The following NDC1 variants were observed in gnomAD, a reference collection of about 807,000 sequenced individuals.
NDC1 encodes the protein NDC1 transmembrane nucleoporin, also known as nucleoporin NDC1.
Under a neutral mutation model 89.8 loss-of-function variants are expected in NDC1, and 24 were observed. The ratio of observed to expected loss-of-function variants is 0.27; its 90% CI spans 0.19 to 0.38. The LOEUF (loss-of-function observed/expected upper bound fraction) is 0.38. Ranked by LOEUF, NDC1 falls within the 10% of genes least tolerant of loss-of-function variation. The pLI, the probability that NDC1 is intolerant of heterozygous loss-of-function variation, is 1.00. For synonymous variants in NDC1, 296 were observed against 284.8 expected (o/e 1.04, Z -0.39); for missense variants, 728 against 797.6 (o/e 0.91, Z 1.05).
chr1:53,819,087 GAAA>G lies in NDC1; in HGVS notation c.595-11_595-9del. 2.4e-6 allele frequency: 3 copies of G among 1,232,464 alleles called. No homozygotes were observed. The highest frequency in any genetic ancestry group is 4.4e-5 in the Admixed American group (2 of 45,220). The allele number at this position is 1,232,464 out of a possible 1,614,324, so 76.3% of individuals were successfully genotyped here. A position where few individuals can be genotyped will look rare whatever the true frequency, so the allele number is the denominator to read the frequency against. The stretch of plus-strand genomic sequence containing the variant: ...ACGCAAGAACTTGTATTGCTGTGGG[GAAA>G]AAAAAAAGAATCAAATGACACATTC... On this transcript the variant is annotated splice_polypyrimidine_tract_variant and intron_variant, in intron 5 of 17. Transcript: ENST00000371429.
At chr1:53,787,098 A>C in intron 16 of NDC1, 60 bp downstream of exon 16, 1 of 819,060 alleles carries the variant, frequency 1.2e-6, no homozygotes. Flanking sequence ...GGAAACAAAC[A>C]AAGCACTGGG....
intron 13 of NDC1, among the ~76,000 whole-genome samples, chr1:53,795,969 C>T (rs1176442524): frequency 6.6e-6 from 1 of 152,230 alleles, no homozygotes; most frequent in Non-Finnish European, 1.5e-5. Context: ...TCTCCCCTCA[C>T]TCACTCTGCT....
rs568974264 is a variant in NDC1, at chr1:53,780,675, C to G, written c.1800+6483G>C. 2.0e-5 allele frequency among the ~76,000 whole-genome samples: 3 copies of G among 152,008 alleles called. No individual in the cohort carries two copies. In the East Asian group the frequency reaches 5.8e-4, roughly 29 times the overall value. ...TTCATTAGGATGACATTGGCCTTTC[C>G]ACAGAAACCAAGGCTATCTAAAGAA... On this transcript the variant is annotated intron_variant, in intron 16 of 17. Transcript: ENST00000371429.
Position 53,800,735 on chromosome 1 carries a change from A to G in NDC1, c.1180T>C (p.Ser394Pro). The G allele has an allele frequency of 6.2e-7, 1 of 1,614,088 alleles. No homozygotes were observed. Among genetic ancestry groups the G allele is most frequent in the African/African-American group, 1.3e-5 (1 of 75,030 alleles). ...TTAGGTTCCACTGGGTAAGATGAAG[A>G]CACTCTCCCATTCGTAGCAGCAGCT... Reference protein sequence around the residue: ...QEAAATNGRVSSSYPVEPKKL... With the variant: ...QEAAATNGRVPSSYPVEPKKL... Residue 394 changes from serine (S) to proline (P), a missense_variant, in exon 11 of 18, where the codon TCT (serine) becomes CCT (proline). Transcript: ENST00000371429.
chr1:53,770,555 C>T (rs921560027), intron 17 of NDC1, among the ~76,000 whole-genome samples: 3 of 152,160 alleles, frequency 2.0e-5, no homozygotes, highest in Admixed American at 6.5e-5. Context: ...GATCCGCCCG[C>T]CTTGGCCTCC....
At chr1:53,799,998 G>A (rs1647850497) in intron 11 of NDC1, among the ~76,000 whole-genome samples, 1 of 152,128 alleles carries the variant, frequency 6.6e-6, no homozygotes, top group Non-Finnish European at 1.5e-5. Context: ...TTTTGTCTCT[G>A]GACTACTGCA....
intron 10 of NDC1, among the ~76,000 whole-genome samples, chr1:53,803,634 C>A (rs1313677034): frequency 1.3e-5 from 2 of 152,090 alleles, no homozygotes; most frequent in Non-Finnish European, 2.9e-5. Context: ...TGCAGTAGCG[C>A]AATCTCGGCT....
rs750539078 is a variant in NDC1 at position 53,804,018 on chromosome 1, G to A, written c.985-9C>T. The A allele has an allele frequency of 8.1e-6, 13 of 1,598,364 alleles. No homozygotes were observed. Among genetic ancestry groups the A allele is most frequent in the Middle Eastern group, 1.7e-4 (1 of 6,026 alleles). The stretch of plus-strand genomic sequence containing the variant: ...TCCTGCAAGGCTAAATACTAACAGG[G>A]GGAAAAAACACATATTATTTAATTT... On this transcript the variant is annotated splice_polypyrimidine_tract_variant and intron_variant, in intron 9 of 17. Transcript: ENST00000371429.
At chr1:53,815,543 A>T (rs1036110819) in intron 6 of NDC1, among the ~76,000 whole-genome samples, 1 of 152,250 alleles carries the variant, frequency 6.6e-6, no homozygotes, top group Non-Finnish European at 1.5e-5. Flanking sequence ...GAACTGGAAC[A>T]GACAAGAATG....
chr1:53,825,744 G>C, intron 5 of NDC1, 54 bp downstream of exon 5: 1 of 1,488,546 alleles, frequency 6.7e-7, no homozygotes, highest in Non-Finnish European at 9.0e-7. Flanking sequence ...TATGCACCAA[G>C]GCAATTTTAC....
chr1:53,785,683 C>T (rs1647285291), intron 16 of NDC1, among the ~76,000 whole-genome samples: 1 of 151,954 alleles, frequency 6.6e-6, no homozygotes, highest in Non-Finnish European at 1.5e-5. Context: ...AGCGGTTCTC[C>T]CCCGTCAGCC....
At chr1:53,809,670 A>T in intron 7 of NDC1, 25 bp downstream of exon 7, 1 of 1,542,814 alleles carries the variant, frequency 6.5e-7, no homozygotes, top group Non-Finnish European at 8.9e-7. Flanking sequence ...CAGAGTTAAA[A>T]TTAGACTTTT....
At position 53,828,057 on chromosome 1, in the gene NDC1, C is replaced by A. The variant is rs751036886; in HGVS notation, c.397G>T (p.Ala133Ser). ...AMGMVMAWCA[A>S]VITQGQYSFL... ...CTGTACTGGCCCTGGGTTATCACTG[C>A]AGCACACCAGGCCATCACCATTCCC... The change falls in exon 4 of 18, where the codon GCA (alanine) becomes TCA (serine). Residue 133 changes from alanine to serine, a missense_variant. Transcript: ENST00000371429. 15 of 1,614,098 alleles carry A rather than the reference C, an allele frequency of 9.3e-6. No homozygotes were observed. The highest frequency in any genetic ancestry group is 1.7e-5 in the Admixed American group (1 of 60,006).
At position 53,838,249 on chromosome 1, in the gene NDC1, C is replaced by G. The variant is rs1263441723; in HGVS notation, c.13G>C (p.Val5Leu). The change falls in exon 1 of 18, where the codon GTG becomes CTG. Residue 5 changes from valine (V) to leucine (L), a missense_variant. Coordinates refer to ENST00000371429, the MANE Select transcript of NDC1 (RefSeq NM_018087.5). MATA[V>L]SRPCAGRSRD... ...GACCTGCCGGCGCAGGGCCGGCTCA[C>G]GGCCGTGGCCATGGAGATGGCGGCC... 1 of 1,536,820 alleles carries G rather than the reference C, an allele frequency of 6.5e-7. No individual in the cohort carries two copies. The highest frequency in any genetic ancestry group is 2.5e-5 in the East Asian group (1 of 40,804).
In NDC1 at chr1:53,820,682, A is replaced by T. The variant is rs72662325; in HGVS notation, c.595-1603T>A. ...GGAATCTAAGGAAAAAGAAAAAAAT[A>T]AAAGATGTACTTCTCTCTCTTTTTT... On this transcript the variant is annotated intron_variant, in intron 5 of 17. Coordinates refer to ENST00000371429, the MANE Select transcript of NDC1 (RefSeq NM_018087.5). Among the ~76,000 whole-genome samples the T allele has an allele frequency of 9.9e-3, 1,505 of 151,738 alleles. 9 individuals carry two copies. The highest frequency in any genetic ancestry group is 0.017 in the Non-Finnish European group (1,124 of 67,914).
chr1:53,784,851 G>A (rs574261991), intron 16 of NDC1, among the ~76,000 whole-genome samples: 18 of 151,440 alleles, frequency 1.2e-4, no homozygotes, highest in Non-Finnish European at 1.9e-4. Context: ...CCAGCTACTC[G>A]GGAGGCTGAG....
intron 16 of NDC1, among the ~76,000 whole-genome samples, chr1:53,784,907 G>T (rs1046119577): frequency 9.2e-5 from 14 of 151,630 alleles, no homozygotes; most frequent in African/African-American, 2.9e-4. Context: ...GCAGTGAGCT[G>T]AGATCACGCC....
chr1:53,820,154 T>G (rs111664604), intron 5 of NDC1, among the ~76,000 whole-genome samples: 1 of 150,190 alleles, frequency 6.7e-6, no homozygotes, highest in Non-Finnish European at 1.5e-5. Context: ...ACTCGGGAGG[T>G]TGACGCAGGA....
At position 53,818,871 on chromosome 1, in the gene NDC1, A is replaced by G. The variant is rs962816254; in HGVS notation, c.703+100T>C. 6 of 612,276 alleles carry G rather than the reference A, an allele frequency of 9.8e-6. No individual in the cohort carries two copies. The South Asian group carries it at 1.1e-4, about 12-fold the overall frequency. The allele number at this position is 612,276 out of a possible 1,614,324, so 37.9% of individuals were successfully genotyped here. A position where few individuals can be genotyped will look rare whatever the true frequency, so the allele number is the denominator to read the frequency against. On this transcript the variant is annotated intron_variant, in intron 6 of 17. Transcript: ENST00000371429. ...AATCAGTTGAGCTAATCACATACCTATAACTGTAGAAAACACAAAAACACA... is the reference window on the plus strand; with the variant it reads ...AATCAGTTGAGCTAATCACATACCTGTAACTGTAGAAAACACAAAAACACA...
Sources: allele counts gnomAD v4.1 joint callset (sites outside exome capture counted in the v4.1 genomes callset), GRCh38; gene constraint gnomAD v4.1.1; transcripts MANE v1.5; gene names NCBI Gene and HGNC (gene_info 2026-07-23, HGNC 2026-07-21).